GHITM: variants seen among roughly 807,000 people sequenced by gnomAD.
GHITM encodes growth hormone-inducible transmembrane protein.
Under a neutral mutation model 38.7 loss-of-function variants are expected in GHITM, and 24 were observed. The ratio of observed to expected loss-of-function variants is 0.62; its 90% CI spans 0.45 to 0.87. GHITM has a LOEUF of 0.87. Ranked by LOEUF, GHITM falls within the 40% of genes least tolerant of loss-of-function variation. GHITM has a pLI of 0.00. For synonymous variants in GHITM, 154 were observed against 147.8 expected (o/e 1.04, Z -0.30); for missense variants, 420 against 429.8 (o/e 0.98, Z 0.20).
Position 84,150,811 on chromosome 10 carries a change from C to T in GHITM, c.884C>T (p.Thr295Ile), listed in dbSNP as rs1465980351. ...TTCAGCATGTTCCTTCTGTATGATACCCAGAAAGTAATCAAGCGTGCAGAA... is the reference window on the plus strand; with the variant it reads ...TTCAGCATGTTCCTTCTGTATGATATCCAGAAAGTAATCAAGCGTGCAGAA... The part of the protein sequence containing the change: ...VLFSMFLLYD[T>I]QKVIKRAEVS... The change falls in exon 8 of 9, where the codon ACC (threonine) becomes ATC (isoleucine). Residue 295 changes from threonine to isoleucine, a missense_variant. Thr to Ile is a moderately conservative substitution (Grantham distance 89). Coordinates refer to ENST00000372134, the MANE Select transcript of GHITM (RefSeq NM_014394.3). 1.9e-6 allele frequency: 3 copies of T among 1,609,622 alleles called. No individual in the cohort carries two copies. Among genetic ancestry groups the T allele is most frequent in the Middle Eastern group, 1.7e-4 (1 of 5,906 alleles).
chr10:84,142,508 A>G, intron 2 of GHITM, 147 bp from the exon 3 acceptor site: 1 of 424,764 alleles, frequency 2.4e-6, no homozygotes, highest in Non-Finnish European at 4.3e-6. Context: ...TAAGTTGGCT[A>G]ATAAATTTCC....
At chr10:84,143,404 C>T (rs1841527035) in intron 3 of GHITM, among the ~76,000 whole-genome samples, 1 of 152,162 alleles carries the variant, frequency 6.6e-6, no homozygotes, top group Admixed American at 6.5e-5. Flanking sequence ...TAGTGACAGC[C>T]TAGTAATATT....
chr10:84,146,939 ATC>A (rs1841562302), intron 5 of GHITM, among the ~76,000 whole-genome samples: 1 of 152,228 alleles, frequency 6.6e-6, no homozygotes, highest in African/African-American at 2.4e-5. Flanking sequence ...GAGGAGAGGT[ATC>A]TGATCTTGCT....
At chr10:84,149,067 A>G (rs1256428274) in intron 6 of GHITM, among the ~76,000 whole-genome samples, 3 of 152,226 alleles carry the variant, frequency 2.0e-5, no homozygotes, top group African/African-American at 4.8e-5. Context: ...ACAGTCTAGT[A>G]TATGCAGAGA....
At chr10:84,148,920 C>T in intron 6 of GHITM, 82 bp downstream of exon 6, 1 of 791,972 alleles carries the variant, frequency 1.3e-6, no homozygotes, top group African/African-American at 1.7e-5. Flanking sequence ...AAATGACCTA[C>T]ATGGAATTTA....
intron 8 of GHITM, 139 bp from the exon 9 acceptor site, chr10:84,152,125 G>A (rs1189389424): frequency 1.9e-6 from 1 of 536,304 alleles, no homozygotes; most frequent in Non-Finnish European, 3.3e-6. Flanking sequence ...TACTTCATTA[G>A]TTGGCAGTTA....
chr10:84,141,614 G>C lies in GHITM; in HGVS notation c.114G>C (p.Leu38=). Residue 38 remains leucine, a synonymous_variant, in exon 2 of 9, where the codon CTG becomes CTC. Transcript: ENST00000372134. The stretch of plus-strand genomic sequence containing the variant: ...ATTCCATCACGAAGAATCAATGGCT[G>C]TTAACACCTAGCAGGGTAAAGATAA... ...VKNSITKNQW[L]LTPSREYATK... 1 of 1,613,756 alleles carries C rather than the reference G, an allele frequency of 6.2e-7. No homozygotes were observed. Among genetic ancestry groups the C allele is most frequent in the Non-Finnish European group, 8.5e-7 (1 of 1,179,642 alleles).
intron 5 of GHITM, among the ~76,000 whole-genome samples, chr10:84,148,271 G>GTTTTTAT (rs199532579): frequency 2.5e-4 from 38 of 150,702 alleles, no homozygotes; most frequent in African/African-American, 8.0e-4. Flanking sequence ...AAAAATTAAA[G>GTTTTTAT]TTTTTATTTT....
chr10:84,140,577 G>C (rs1020166280), intron 1 of GHITM: 1 of 152,190 alleles, frequency 6.6e-6, no homozygotes, highest in Non-Finnish European at 1.5e-5. Flanking sequence ...CACTTGCCTA[G>C]AATTCACTAC....
chr10:84,148,968 T>C, intron 6 of GHITM, 130 bp downstream of exon 6: 1 of 652,112 alleles, frequency 1.5e-6, no homozygotes, highest in Non-Finnish European at 2.8e-6. Context: ...CTTCAGTCAT[T>C]ACTGGCTGCA....
chr10:84,140,195 G>A (rs1442473359), intron 1 of GHITM: 1 of 152,222 alleles, frequency 6.6e-6, no homozygotes, highest in Non-Finnish European at 1.5e-5. Context: ...CCCAACCAGT[G>A]GACTGAGTAC....
chr10:84,152,329 G>T lies in GHITM; in HGVS notation c.1019G>T (p.Gly340Val). 6.2e-7 allele frequency: 1 copy of T among 1,600,468 alleles called. No individual in the cohort carries two copies. Among genetic ancestry groups the T allele is most frequent in the Non-Finnish European group, 8.6e-7 (1 of 1,168,936 alleles). ...CGAGTTGCAACTATGCTGGCAACTG[G>T]AGGCAACAGAAAGAAATGAAGTGAC... Reference protein sequence around the residue: ...FMRVATMLATGGNRKK With the variant: ...FMRVATMLATVGNRKK The change falls in exon 9 of 9, where the codon GGA (glycine) becomes GTA (valine). Residue 340 changes from glycine (G) to valine (V), a missense_variant. Coordinates refer to ENST00000372134, the MANE Select transcript of GHITM (RefSeq NM_014394.3).
At chr10:84,152,039 G>A (rs919500495) in intron 8 of GHITM, among the ~76,000 whole-genome samples, 2 of 152,078 alleles carry the variant, frequency 1.3e-5, no homozygotes, top group East Asian at 1.9e-4. Flanking sequence ...ATAAAATAAT[G>A]ATTTTTTTAA....
chr10:84,143,511 G>A (rs1198751219), intron 3 of GHITM, among the ~76,000 whole-genome samples: 1 of 152,148 alleles, frequency 6.6e-6, no homozygotes, highest in Non-Finnish European at 1.5e-5. Flanking sequence ...CCTAAAACGG[G>A]AGCCTCCTCT....
At chr10:84,144,135 C>T in intron 4 of GHITM, 29 bp downstream of exon 4, 1 of 1,353,034 alleles carries the variant, frequency 7.4e-7, no homozygotes, top group South Asian at 1.2e-5. Context: ...GTAAACTGTT[C>T]CTAAACAACT....
In GHITM at chr10:84,150,714, A is replaced by G. The variant is rs575209981; in HGVS notation, c.787A>G (p.Met263Val). The G allele has an allele frequency of 5.0e-6, 8 of 1,584,716 alleles. No individual in the cohort carries two copies. Among genetic ancestry groups the G allele is most frequent in the African/African-American group, 1.4e-5 (1 of 73,756 alleles). The change falls in exon 8 of 9, where the codon ATG (methionine) becomes GTG (valine). Residue 263 changes from methionine to valine, a missense_variant. Met to Val is a conservative substitution (Grantham distance 21). Transcript: ENST00000372134. ...TTTTCGCATTTTGATTTCAGGATCT[A>G]TGTTTCTTCCACCTACCACCGTGGC... The part of the protein sequence containing the change: ...GLVFVSSLGS[M>V]FLPPTTVAGA...
At chr10:84,149,128 G>A (rs1003391401) in intron 6 of GHITM, among the ~76,000 whole-genome samples, 8 of 152,042 alleles carry the variant, frequency 5.3e-5, no homozygotes, top group East Asian at 1.9e-4. Context: ...TATCTAGTAC[G>A]CATCATTTGA....
rs768309319 is a variant in GHITM, at chr10:84,141,579, G to A, written c.79G>A (p.Val27Ile). The A allele has an allele frequency of 1.9e-6, 3 of 1,613,388 alleles. No homozygotes were observed. The highest frequency in any genetic ancestry group is 2.2e-5 in the South Asian group (2 of 91,076). Reference protein sequence around the residue: ...FHPAFTKASPVVKNSITKNQW... With the variant: ...FHPAFTKASPIVKNSITKNQW... ...CCCAGCTTTCACCAAGGCCTCCCCT[G>A]TTGTGAAGAATTCCATCACGAAGAA... The change falls in exon 2 of 9, where the codon GTT becomes ATT. Residue 27 changes from valine to isoleucine, a missense_variant. Transcript: ENST00000372134.
At chr10:84,147,855 G>T (rs933942810) in intron 5 of GHITM, among the ~76,000 whole-genome samples, 1 of 151,996 alleles carries the variant, frequency 6.6e-6, no homozygotes, top group African/African-American at 2.4e-5. Flanking sequence ...AACCTGGAAG[G>T]GTAGAAGTGT....
Sources: gnomAD v4.1 joint callset for allele counts (sites outside exome capture counted in the v4.1 genomes callset) on GRCh38, gnomAD v4.1.1 for gene constraint, MANE v1.5 for transcripts, NCBI Gene and HGNC (gene_info 2026-07-23, HGNC 2026-07-21) for gene names.